Variants in WDR64 observed in about 807,000 individuals in gnomAD.
The protein encoded by WDR64 is WD repeat domain 64.
Under a neutral mutation model 139.3 loss-of-function variants are expected in WDR64, and 112 were observed. That is an observed-to-expected ratio of 0.80 (90% CI 0.69 to 0.94). The LOEUF (loss-of-function observed/expected upper bound fraction) is 0.94, where lower values mean the gene tolerates loss of function less well. WDR64 is among the 40% of genes least tolerant of loss of function. The probability of loss-of-function intolerance (pLI) is 0.00; values close to 1 mark genes in which losing one functional copy is unlikely to be tolerated. For missense variants in WDR64, 1,206 were observed against 1,293.1 expected (o/e 0.93, Z 1.03); for synonymous variants, 444 against 437.7 (o/e 1.01, Z -0.18).
chr1:241,672,701 T>C (rs1374324167), intron 3 of WDR64, among the ~76,000 whole-genome samples: 1 of 152,076 alleles, frequency 6.6e-6, no homozygotes, highest in African/African-American at 2.4e-5. Flanking sequence ...AAAGCAGGAA[T>C]GTGGGAAGGA....
At chr1:241,762,011 T>TCCTC (rs1657929419) in intron 15 of WDR64, among the ~76,000 whole-genome samples, 1 of 152,252 alleles carries the variant, frequency 6.6e-6, no homozygotes, top group African/African-American at 2.4e-5. Flanking sequence ...TATTTTGACC[T>TCCTC]CCTCCCATGA....
At position 241,745,092 on chromosome 1, in the gene WDR64, C is replaced by T. The variant is rs549075955; in HGVS notation, c.1594+576C>T. On this transcript the variant is annotated intron_variant, in intron 13 of 27. Transcript: ENST00000437684. The stretch of plus-strand genomic sequence containing the variant: ...GGAGCACTGGTAGGACTTCCAGGAA[C>T]TGAAGAGCTACAGACTGCCCTGCCT... 9.2e-5 allele frequency among the ~76,000 whole-genome samples: 14 copies of T among 152,310 alleles called. No individual in the cohort carries two copies. In the South Asian group the frequency reaches 2.7e-3, roughly 29 times the overall value.
At chr1:241,705,393 A>T (rs899950786) in intron 8 of WDR64, among the ~76,000 whole-genome samples, 12 of 151,776 alleles carry the variant, frequency 7.9e-5, no homozygotes, top group Middle Eastern at 3.4e-3. Flanking sequence ...TACAAAAAAA[A>T]TAGCAGGGCA....
At position 241,710,413 on chromosome 1, in the gene WDR64, A is replaced by G. The variant is rs115340139; in HGVS notation, c.975-1389A>G. On this transcript the variant is annotated intron_variant, in intron 8 of 27. Coordinates refer to ENST00000437684, the MANE Select transcript of WDR64 (RefSeq NM_001367482.1). ...CACTCAAGCTTGAGCTTTTTTAACC[A>G]TGGCACAATACCATTCACAGATACT... Among the ~76,000 whole-genome samples the G allele has an allele frequency of 5.4e-3, 827 of 152,166 alleles. 9 individuals carry two copies. The highest frequency in any genetic ancestry group is 0.019 in the African/African-American group (797 of 41,506).
rs1191008840 is a variant in WDR64, at chr1:241,730,438, A to C, written c.1194+7002A>C. 2.6e-5 allele frequency among the ~76,000 whole-genome samples: 4 copies of C among 152,012 alleles called. No homozygotes were observed. The East Asian group carries it at 7.7e-4, about 29-fold the overall frequency. Reference sequence around the variant, plus strand: ...GCCCTTTGGGACTCTTTCCTTTGTAATTTTTATTGCGTTTCTGAGTGTCTT... The same window carrying C: ...GCCCTTTGGGACTCTTTCCTTTGTACTTTTTATTGCGTTTCTGAGTGTCTT... On this transcript the variant is annotated intron_variant, in intron 10 of 27. Coordinates refer to ENST00000437684, the MANE Select transcript of WDR64 (RefSeq NM_001367482.1).
At chr1:241,705,739 C>T (rs1667928772) in intron 8 of WDR64, among the ~76,000 whole-genome samples, 1 of 152,006 alleles carries the variant, frequency 6.6e-6, no homozygotes, top group Admixed American at 6.6e-5. Context: ...AGATGTGTGC[C>T]AACACGCCCG....
At chr1:241,707,181 G>A (rs767020394) in intron 8 of WDR64, among the ~76,000 whole-genome samples, 55 of 152,132 alleles carry the variant, frequency 3.6e-4, no homozygotes, top group Non-Finnish European at 4.9e-4. Flanking sequence ...CTCTGTTCTT[G>A]TAGTTCACTG....
Position 241,703,868 on chromosome 1 carries a change from G to A in WDR64, c.975-7934G>A, listed in dbSNP as rs1035386368. 2.6e-5 allele frequency among the ~76,000 whole-genome samples: 4 copies of A among 152,116 alleles called. No homozygotes were observed. Among genetic ancestry groups the A allele is most frequent in the Admixed American group, 2.6e-4 (4 of 15,274 alleles). ...ACATGATGGCAGGAGAGAGAAAAGTGAGCAAAAGAGGAACTTGCCAAACAC... is the reference window on the plus strand; with the variant it reads ...ACATGATGGCAGGAGAGAGAAAAGTAAGCAAAAGAGGAACTTGCCAAACAC... On this transcript the variant is annotated intron_variant, in intron 8 of 27. Coordinates refer to ENST00000437684, the MANE Select transcript of WDR64 (RefSeq NM_001367482.1). The surrounding 1 kb of genome is among the most constrained non-coding windows in gnomAD (Gnocchi z 5.9).
chr1:241,658,665 C>G, intron 1 of WDR64, among the ~76,000 whole-genome samples: 1 of 148,614 alleles, frequency 6.7e-6, no homozygotes, highest in East Asian at 2.0e-4. Flanking sequence ...AAAAGAATTG[C>G]TGTTTGCTCA....
At chr1:241,759,365 C>T (rs1670337833) in intron 15 of WDR64, among the ~76,000 whole-genome samples, 1 of 152,056 alleles carries the variant, frequency 6.6e-6, no homozygotes, top group Non-Finnish European at 1.5e-5. Context: ...GTATTGTGTT[C>T]TTAAAATTCA....
chr1:241,657,997 C>T (rs1665675363), intron 1 of WDR64, among the ~76,000 whole-genome samples: 2 of 152,150 alleles, frequency 1.3e-5, no homozygotes, highest in South Asian at 4.1e-4. Context: ...ATTAGCCTTG[C>T]CTGTCACAAT....
chr1:241,710,817 G>A (rs1411674992), intron 8 of WDR64, among the ~76,000 whole-genome samples: 1 of 152,206 alleles, frequency 6.6e-6, no homozygotes, highest in Non-Finnish European at 1.5e-5. Flanking sequence ...AAGAAATGAA[G>A]TCTTCTTAGA....
Position 241,723,415 on chromosome 1 carries a change from C to T in WDR64, c.1173C>T (p.Val391=), listed in dbSNP as rs10926547. The part of the protein sequence containing the change: ...EIVTNEKDQH[V]VSLSSAKVFR... ...TAACCAATGAAAAAGATCAACATGT[C>T]GTCAGCCTTTCCTCTGCAAAGGTAA... The change falls in exon 10 of 28, where the codon GTC becomes GTT. Residue 391 remains valine, a synonymous_variant. Coordinates refer to ENST00000437684, the MANE Select transcript of WDR64 (RefSeq NM_001367482.1). The T allele has an allele frequency of 0.012, 20,074 of 1,613,480 alleles. 2,126 individuals are homozygous for T. The African/African-American group carries it at 0.23, about 19-fold the overall frequency.
At position 241,675,085 on chromosome 1, in the gene WDR64, T is replaced by TCCTTCCTCCCTC. The variant is rs1666460476; in HGVS notation, c.483+339_483+340insCTTCCTCCCTCC. Reference sequence around the variant, plus strand: ...CTTCCTCCTTCCTGCCTCCCTCCCTTCATCCTTCCTCCCTCCCTCCTTCCT... The same window carrying TCCTTCCTCCCTC: ...CTTCCTCCTTCCTGCCTCCCTCCCTTCCTTCCTCCCTCCATCCTTCCTCCCTCCCTCCTTCCT... On this transcript the variant is annotated intron_variant, in intron 4 of 27. Transcript: ENST00000437684. 2.8e-4 allele frequency among the ~76,000 whole-genome samples: 5 copies of TCCTTCCTCCCTC among 17,692 alleles called. No individual in the cohort carries two copies. The Admixed American group carries it at 3.0e-3, about 11-fold the overall frequency. 11.6% of individuals were successfully genotyped at this position (17,692 alleles called of 152,430 possible). A position where few individuals can be genotyped will look rare whatever the true frequency, so the allele number is the denominator to read the frequency against.
chr1:241,755,781 G>A (rs1036199642), intron 14 of WDR64, among the ~76,000 whole-genome samples: 24 of 152,248 alleles, frequency 1.6e-4, no homozygotes, highest in African/African-American at 5.3e-4. Context: ...TGCATATATG[G>A]CTAGCCAGTT....
At position 241,674,870 on chromosome 1, in the gene WDR64, CTTTCTTTCT is replaced by C. The variant is rs1666414646; in HGVS notation, c.483+126_483+134del. ...TCCTTCTTTCCTTCCTCCCTCCCTC[CTTTCTTTCT>C]TTCCTTCTTGCTTTTATTTCCTTCC... On this transcript the variant is annotated intron_variant, in intron 4 of 27. Coordinates refer to ENST00000437684, the MANE Select transcript of WDR64 (RefSeq NM_001367482.1). 116 of 141,334 alleles carry C rather than the reference CTTTCTTTCT, an allele frequency of 8.2e-4. 44 individuals carry two copies. The Middle Eastern group carries it at 0.011, about 13-fold the overall frequency. 8.8% of individuals were successfully genotyped at this position (141,334 alleles called of 1,614,324 possible). A position where few individuals can be genotyped will look rare whatever the true frequency, so the allele number is the denominator to read the frequency against.
At chr1:241,713,459 GAAGGAAGGAAAGA>G (rs1668272009) in intron 9 of WDR64, among the ~76,000 whole-genome samples, 1 of 134,920 alleles carries the variant, frequency 7.4e-6, no homozygotes, top group African/African-American at 2.8e-5. Context: ...GGAAGGAAAG[GAAGGAAGGAAAGA>G]AAGGAAGGGA....
chr1:241,769,431 A>G lies in WDR64; in HGVS notation c.2109A>G (p.Val703=). ...ACCGACCTGAAGATTGCTTCACTGT[A>G]AACCCTGACTTGCATCCCAAGCACT... ...KVYRPEDCFT[V]NPDLHPKHFK... is the part of the protein sequence containing the mutation. Residue 703 remains valine (V), a synonymous_variant, in exon 17 of 28, where the codon GTA becomes GTG. Transcript: ENST00000437684. The G allele has an allele frequency of 6.4e-7, 1 of 1,551,486 alleles. No individual in the cohort carries two copies. Among genetic ancestry groups the G allele is most frequent in the Non-Finnish European group, 8.7e-7 (1 of 1,146,982 alleles).
intron 27 of WDR64, 64 bp downstream of exon 27, chr1:241,796,434 T>C: frequency 9.1e-7 from 1 of 1,094,092 alleles, no homozygotes; most frequent in East Asian, 2.5e-5. Context: ...GTTTGTTTTT[T>C]TAAAAATATG....
Sources: gnomAD v4.1 joint callset for allele counts (sites outside exome capture counted in the v4.1 genomes callset) on GRCh38, gnomAD v4.1.1 for gene constraint, Gnocchi (gnomAD v3.1) non-coding constraint, MANE v1.5 for transcripts, NCBI Gene and HGNC (gene_info 2026-07-23, HGNC 2026-07-21) for gene names.